The following TMEM182 variants were observed in gnomAD, a reference collection of about 807,000 sequenced individuals.
TMEM182 encodes transmembrane protein 182.
In TMEM182, 20 loss-of-function variants were observed where a neutral mutation model predicts 26.8. The ratio of observed to expected loss-of-function variants is 0.75; its 90% CI spans 0.53 to 1.09. The LOEUF (loss-of-function observed/expected upper bound fraction) is 1.09, where lower values mean the gene tolerates loss of function less well. Ranked by LOEUF, TMEM182 falls within the 50% of genes least tolerant of loss-of-function variation. The pLI is 0.00. For missense variants in TMEM182, 277 were observed against 275.5 expected (o/e 1.01, Z -0.04); for synonymous variants, 109 against 102.2 (o/e 1.07, Z -0.40).
intron 2 of TMEM182, among the ~76,000 whole-genome samples, chr2:102,763,543 G>T (rs1030728840): frequency 6.6e-6 from 1 of 152,138 alleles, no homozygotes; most frequent in African/African-American, 2.4e-5. Flanking sequence ...TAAGCAAGCT[G>T]GTGATAAGTT....
intron 3 of TMEM182, among the ~76,000 whole-genome samples, chr2:102,779,575 C>G (rs1364395872): frequency 6.6e-6 from 1 of 152,132 alleles, no homozygotes; most frequent in Non-Finnish European, 1.5e-5. Context: ...TTGAAGTTAA[C>G]TTACTGTTTT....
At chr2:102,772,621 A>G (rs1680725882) in intron 3 of TMEM182, among the ~76,000 whole-genome samples, 1 of 152,090 alleles carries the variant, frequency 6.6e-6, no homozygotes, top group Admixed American at 6.5e-5. Context: ...CTATGGGGGT[A>G]CAAGCTGGGC....
In TMEM182 at chr2:102,798,825, G is replaced by C. The variant is rs188483797; in HGVS notation, c.469+825G>C. 9.1e-4 allele frequency among the ~76,000 whole-genome samples: 138 copies of C among 151,972 alleles called. 1 individual carries two copies. The highest frequency in any genetic ancestry group is 1.5e-3 in the Non-Finnish European group (102 of 67,928). On this transcript the variant is annotated intron_variant, in intron 4 of 4. Coordinates refer to ENST00000412401, the MANE Select transcript of TMEM182 (RefSeq NM_144632.5). ...ACTGCACTTCAGCCTGGATGACAGAGCGAGACTTTGTCTAAAAAAAAAAAA... is the reference window on the plus strand; with the variant it reads ...ACTGCACTTCAGCCTGGATGACAGACCGAGACTTTGTCTAAAAAAAAAAAA...
At position 102,815,385 on chromosome 2, in the gene TMEM182, G is replaced by A. The variant is rs1416238256; in HGVS notation, c.*417G>A. The stretch of plus-strand genomic sequence containing the variant: ...TAATTAAGAATGGGCAAGGTTGTCA[G>A]AGAATTTATTTTGTTTCTTGCCCAC... On this transcript the variant is annotated 3_prime_UTR_variant, in exon 5 of 5. Coordinates refer to ENST00000412401, the MANE Select transcript of TMEM182 (RefSeq NM_144632.5). The A allele has an allele frequency of 1.0e-6, 1 of 996,646 alleles. No homozygotes were observed. Among genetic ancestry groups the A allele is most frequent in the African/African-American group, 1.7e-5 (1 of 57,316 alleles). 61.7% of individuals were successfully genotyped at this position (996,646 alleles called of 1,614,324 possible).
intron 1 of TMEM182, among the ~76,000 whole-genome samples, chr2:102,739,456 C>T (rs1259087447): frequency 6.6e-6 from 1 of 152,102 alleles, no homozygotes; most frequent in African/African-American, 2.4e-5. Flanking sequence ...GAGGTGGGGC[C>T]TGGTGGGAGG....
chr2:102,766,453 T>C (rs976372494), intron 3 of TMEM182, among the ~76,000 whole-genome samples: 1 of 152,164 alleles, frequency 6.6e-6, no homozygotes, highest in Non-Finnish European at 1.5e-5. Flanking sequence ...GTCAATCACT[T>C]TAGGTAGAAA....
chr2:102,781,937 T>G (rs1221518946), intron 3 of TMEM182, among the ~76,000 whole-genome samples: 1 of 152,198 alleles, frequency 6.6e-6, no homozygotes, highest in Non-Finnish European at 1.5e-5. Flanking sequence ...AGACATAAAC[T>G]GCTCAAAGGC....
chr2:102,792,272 G>A (rs1320811370), intron 3 of TMEM182, among the ~76,000 whole-genome samples: 1 of 152,046 alleles, frequency 6.6e-6, no homozygotes, highest in South Asian at 2.1e-4. Context: ...TAATTAATAA[G>A]AATCATAGCA....
intron 3 of TMEM182, among the ~76,000 whole-genome samples, chr2:102,766,721 A>G (rs1346522857): frequency 6.6e-6 from 1 of 152,196 alleles, no homozygotes; most frequent in Non-Finnish European, 1.5e-5. Flanking sequence ...ATGTAGCTTC[A>G]CAATTACCCA....
At chr2:102,790,501 G>T (rs1681590616) in intron 3 of TMEM182, among the ~76,000 whole-genome samples, 2 of 152,198 alleles carry the variant, frequency 1.3e-5, no homozygotes, top group Non-Finnish European at 2.9e-5. Context: ...TCTGCCACTA[G>T]CTTCTTGCCT....
At chr2:102,744,979 G>A (rs139789646) in intron 1 of TMEM182, among the ~76,000 whole-genome samples, 123 of 152,168 alleles carry the variant, frequency 8.1e-4, no homozygotes, top group African/African-American at 2.9e-3. Context: ...CTCAGCCATT[G>A]TATCTTCAAA....
At chr2:102,766,964 A>C (rs1680477267) in intron 3 of TMEM182, among the ~76,000 whole-genome samples, 1 of 152,200 alleles carries the variant, frequency 6.6e-6, no homozygotes, top group East Asian at 1.9e-4. Flanking sequence ...TTTTATAATA[A>C]GGAGACTGGG....
In TMEM182 at chr2:102,793,295, T is replaced by C. The variant is rs976203582; in HGVS notation, c.332-4568T>C. Among the ~76,000 whole-genome samples the C allele has an allele frequency of 2.5e-4, 38 of 152,224 alleles. 1 individual carries two copies. Among genetic ancestry groups the C allele is most frequent in the Admixed American group, 2.0e-4 (3 of 15,280 alleles). On this transcript the variant is annotated intron_variant, in intron 3 of 4. Coordinates refer to ENST00000412401, the MANE Select transcript of TMEM182 (RefSeq NM_144632.5). ...TTTTAGGTTTGTAGGAGTAGAGTCA[T>C]GTGATATGGAACATGGCCACTACCT...
At chr2:102,814,623 G>C in intron 4 of TMEM182, 125 bp from the exon 5 acceptor site, 1 of 765,814 alleles carries the variant, frequency 1.3e-6, no homozygotes, top group Middle Eastern at 3.7e-4. Context: ...GTCTGACGTA[G>C]AGTATTTGAT....
intron 3 of TMEM182, among the ~76,000 whole-genome samples, chr2:102,783,014 A>C (rs968586157): frequency 6.6e-6 from 1 of 152,194 alleles, no homozygotes; most frequent in African/African-American, 2.4e-5. Context: ...CATAGATTTA[A>C]TATTGTTAAG....
Position 102,767,036 on chromosome 2 carries a change from G to C in TMEM182, c.331+2609G>C, listed in dbSNP as rs73003398. Among the ~76,000 whole-genome samples, 517 of 152,306 alleles carry C rather than the reference G, an allele frequency of 3.4e-3. 4 individuals are homozygous for C. Among genetic ancestry groups the C allele is most frequent in the African/African-American group, 0.012 (502 of 41,572 alleles). On this transcript the variant is annotated intron_variant, in intron 3 of 4. Coordinates refer to ENST00000412401, the MANE Select transcript of TMEM182 (RefSeq NM_144632.5). ...TGCTTATTGGCAGAGCCAGTGCAAA[G>C]AACCAAGTCTCTGGCTTTTGTTTCA...
chr2:102,753,509 A>G (rs1679939189), intron 1 of TMEM182, among the ~76,000 whole-genome samples: 1 of 151,230 alleles, frequency 6.6e-6, no homozygotes, highest in African/African-American at 2.4e-5. Context: ...TGAAACTAAT[A>G]AGTCGTTGTT....
chr2:102,744,293 C>T (rs1447192674), intron 1 of TMEM182, among the ~76,000 whole-genome samples: 1 of 152,126 alleles, frequency 6.6e-6, no homozygotes, highest in Non-Finnish European at 1.5e-5. Context: ...AAACAATACG[C>T]TTATAAATCG....
At chr2:102,770,678 C>G (rs1336678310) in intron 3 of TMEM182, among the ~76,000 whole-genome samples, 3 of 152,106 alleles carry the variant, frequency 2.0e-5, no homozygotes, top group Admixed American at 6.5e-5. Flanking sequence ...AAACCGCACA[C>G]GGATGCTTGG....
Sources: allele counts gnomAD v4.1 joint callset (sites outside exome capture counted in the v4.1 genomes callset), GRCh38; gene constraint gnomAD v4.1.1; transcripts MANE v1.5; gene names NCBI Gene and HGNC (gene_info 2026-07-23, HGNC 2026-07-21).